The following CDH13 variants were observed in gnomAD, a reference collection of about 807,000 sequenced individuals.
The protein encoded by CDH13 is cadherin 13.
In CDH13, 24 loss-of-function variants were observed where a neutral mutation model predicts 63.8. That is an observed-to-expected ratio of 0.38 (90% confidence interval 0.27 to 0.53). The LOEUF (loss-of-function observed/expected upper bound fraction) is 0.53. Ranked by LOEUF, CDH13 falls within the 20% of genes least tolerant of loss-of-function variation. The pLI is 0.85. For missense variants in CDH13, 1,049 were observed against 903.1 expected (o/e 1.16, Z -2.07); for synonymous variants, 503 against 355.3 (o/e 1.42, Z -4.67).
chr16:83,381,557 C>G (rs780974835), intron 6 of CDH13, among the ~76,000 whole-genome samples: 1 of 151,946 alleles, frequency 6.6e-6, no homozygotes, highest in African/African-American at 2.4e-5. Context: ...TACAGACTTT[C>G]TCTTCCCAAT....
At chr16:83,693,120 C>T (rs1905066421) in intron 10 of CDH13, among the ~76,000 whole-genome samples, 1 of 152,106 alleles carries the variant, frequency 6.6e-6, no homozygotes, top group Non-Finnish European at 1.5e-5. Context: ...AGCCAAGTGG[C>T]CACAACTGCC....
At chr16:83,401,678 A>T (rs2091970232) in intron 6 of CDH13, among the ~76,000 whole-genome samples, 1 of 152,168 alleles carries the variant, frequency 6.6e-6, no homozygotes, top group Admixed American at 6.5e-5. Context: ...GAGAAAAAAA[A>T]TAGAGGCACC....
chr16:83,566,256 C>G (rs1272803105), intron 7 of CDH13, among the ~76,000 whole-genome samples: 1 of 152,092 alleles, frequency 6.6e-6, no homozygotes, highest in Non-Finnish European at 1.5e-5. Context: ...CCAGCACCCA[C>G]CATTTGCTGG....
chr16:83,127,484 C>T (rs1003346816), intron 4 of CDH13, among the ~76,000 whole-genome samples: 4 of 152,060 alleles, frequency 2.6e-5, no homozygotes, highest in Admixed American at 6.5e-5. Flanking sequence ...AATCCCAGCA[C>T]TGTGGGACGC....
At position 83,793,532 on chromosome 16, in the gene CDH13, C is replaced by T. The variant is rs373790818; in HGVS notation, c.2135-1491C>T. 7.9e-5 allele frequency among the ~76,000 whole-genome samples: 12 copies of T among 152,334 alleles called. No individual in the cohort carries two copies. The East Asian group carries it at 1.5e-3, about 20-fold the overall frequency. On this transcript the variant is annotated intron_variant, in intron 13 of 13. Coordinates refer to ENST00000567109, the MANE Select transcript of CDH13 (RefSeq NM_001257.5). ...TGAGTGACGTTCTCAAAGTCTGCAACACAGTCTGCCATGAGATGCCTTTTT... is the reference window on the plus strand; with the variant it reads ...TGAGTGACGTTCTCAAAGTCTGCAATACAGTCTGCCATGAGATGCCTTTTT...
chr16:83,133,365 C>G (rs977229962), intron 4 of CDH13, among the ~76,000 whole-genome samples: 1 of 152,086 alleles, frequency 6.6e-6, no homozygotes, highest in Non-Finnish European at 1.5e-5. Context: ...CATTTGGAAA[C>G]AAATCCCTTG....
intron 4 of CDH13, among the ~76,000 whole-genome samples, chr16:83,148,345 G>C (rs1260791601): frequency 6.6e-6 from 1 of 152,150 alleles, no homozygotes; most frequent in East Asian, 1.9e-4. Flanking sequence ...GTACCATGTA[G>C]ACAACATGTA....
At chr16:83,759,085 C>G (rs1179881317) in intron 11 of CDH13, among the ~76,000 whole-genome samples, 3 of 152,120 alleles carry the variant, frequency 2.0e-5, no homozygotes, top group Admixed American at 6.5e-5. Flanking sequence ...TGAAAAATGG[C>G]CAAGGCAATC....
rs576382564 is a variant in CDH13 at position 83,433,033 on chromosome 16, C to A, written c.782-53444C>A. Reference sequence around the variant, plus strand: ...GGTCTCCTACTGAACTGGGGTAGAACTTTCCAGCTCCCTTGGCTCTCTTAC... The same window carrying A: ...GGTCTCCTACTGAACTGGGGTAGAAATTTCCAGCTCCCTTGGCTCTCTTAC... On this transcript the variant is annotated intron_variant, in intron 6 of 13. Coordinates refer to ENST00000567109, the MANE Select transcript of CDH13 (RefSeq NM_001257.5). Among the ~76,000 whole-genome samples, 106 of 152,286 alleles carry A rather than the reference C, an allele frequency of 7.0e-4. 1 individual carries two copies. Among genetic ancestry groups the A allele is most frequent in the Admixed American group, 6.8e-3 (104 of 15,296 alleles).
chr16:83,558,838 T>G (rs1328817234), intron 7 of CDH13, among the ~76,000 whole-genome samples: 1 of 152,122 alleles, frequency 6.6e-6, no homozygotes, highest in Non-Finnish European at 1.5e-5. Context: ...CGTGGGTAGG[T>G]AGGAAAACTG....
intron 2 of CDH13, among the ~76,000 whole-genome samples, chr16:82,860,380 T>C (rs1235714887): frequency 4.8e-5 from 2 of 41,342 alleles, no homozygotes; most frequent in African/African-American, 2.0e-4. Context: ...CAGTTGTGTG[T>C]GTGTGTGTGG....
intron 6 of CDH13, among the ~76,000 whole-genome samples, chr16:83,480,414 C>G (rs1243355079): frequency 6.6e-6 from 1 of 152,156 alleles, no homozygotes; most frequent in East Asian, 1.9e-4. Context: ...AGCCGGGCCA[C>G]TGGCTTGATT....
At chr16:83,334,682 C>G (rs2090554723) in intron 5 of CDH13, among the ~76,000 whole-genome samples, 1 of 152,152 alleles carries the variant, frequency 6.6e-6, no homozygotes, top group Non-Finnish European at 1.5e-5. Context: ...GGCCCAATCT[C>G]TGTTTTAAAG....
chr16:83,643,405 ACACTCTCTT>A (rs56313470), intron 8 of CDH13, among the ~76,000 whole-genome samples: 9,355 of 152,050 alleles, frequency 0.062, 414 homozygotes, highest in Non-Finnish European at 0.097. Context: ...ACGTGTGATC[ACACTCTCTT>A]CAGTATATTG....
Position 83,207,762 on chromosome 16 carries a change from TAAA to T in CDH13, c.484-9569_484-9567del, listed in dbSNP as rs57095409. On this transcript the variant is annotated intron_variant, in intron 4 of 13. Transcript: ENST00000567109. ...CTTAGAAATTAACAAATACTCTCCT[TAAA>T]AAAAAAAAAAAAAGACTGAAGCCTA... Among the ~76,000 whole-genome samples, 816 of 124,814 alleles carry T rather than the reference TAAA, an allele frequency of 6.5e-3. 8 individuals carry two copies. Among genetic ancestry groups the T allele is most frequent in the African/African-American group, 0.021 (747 of 35,990 alleles). The allele number at this position is 124,814 out of a possible 152,430, so 81.9% of individuals were successfully genotyped here.
intron 5 of CDH13, among the ~76,000 whole-genome samples, chr16:83,296,270 CTT>C (rs1481527253): frequency 6.6e-6 from 1 of 152,172 alleles, no homozygotes; most frequent in African/African-American, 2.4e-5. Flanking sequence ...TTAAATTATA[CTT>C]TCATTTTACA....
rs185507182 is a variant in CDH13 at position 82,705,828 on chromosome 16, G to A, written c.45+78691G>A. On this transcript the variant is annotated intron_variant, in intron 1 of 13. Coordinates refer to ENST00000567109, the MANE Select transcript of CDH13 (RefSeq NM_001257.5). ...TGTTTATGATCCTGCAATGTATCAC[G>A]CATTCTCTGCCAAGTGAATTCTGAC... Among the ~76,000 whole-genome samples, 42 of 152,264 alleles carry A rather than the reference G, an allele frequency of 2.8e-4. No homozygotes were observed. The East Asian group carries it at 5.0e-3, about 18-fold the overall frequency.
At chr16:82,696,005 G>A (rs2030242007) in intron 1 of CDH13, among the ~76,000 whole-genome samples, 2 of 152,108 alleles carry the variant, frequency 1.3e-5, no homozygotes, top group Admixed American at 6.6e-5. Context: ...CCTTTCTAAT[G>A]TTTCTCTGAC....
At chr16:82,800,640 T>A (rs2036804965) in intron 1 of CDH13, among the ~76,000 whole-genome samples, 1 of 152,210 alleles carries the variant, frequency 6.6e-6, no homozygotes, top group Non-Finnish European at 1.5e-5. Flanking sequence ...CAGCTCTACA[T>A]GATTTGGAGC....
Sources: allele counts gnomAD v4.1 joint callset (sites outside exome capture counted in the v4.1 genomes callset), GRCh38; gene constraint gnomAD v4.1.1; transcripts MANE v1.5; gene names NCBI Gene and HGNC (gene_info 2026-07-23, HGNC 2026-07-21).